The following UPF2 variants were observed in gnomAD, a reference collection of about 807,000 sequenced individuals.
UPF2 encodes regulator of nonsense transcripts 2.
In UPF2, 17 loss-of-function variants were observed where a neutral mutation model predicts 141.4. That is an observed-to-expected ratio of 0.12 (90% CI 0.08 to 0.18). The LOEUF (loss-of-function observed/expected upper bound fraction) is 0.18. Ranked by LOEUF, UPF2 falls within the 10% of genes least tolerant of loss-of-function variation. The probability of loss-of-function intolerance (pLI) is 1.00; values close to 1 mark genes in which losing one functional copy is unlikely to be tolerated. For missense variants in UPF2, 1,152 were observed against 1,515.9 expected (o/e 0.76, Z 3.99); for synonymous variants, 540 against 498.0 (o/e 1.08, Z -1.12).
At chr10:11,976,343 G>T (rs183096919) in intron 9 of UPF2, among the ~76,000 whole-genome samples, 1 of 152,304 alleles carries the variant, frequency 6.6e-6, no homozygotes, top group Admixed American at 6.5e-5. Flanking sequence ...GACAGTGGCA[G>T]GAGGTATGAA....
intron 18 of UPF2, among the ~76,000 whole-genome samples, chr10:11,938,853 G>GTTTTTTTGTTTTTTTGTTT (rs1832890068): frequency 1.3e-5 from 1 of 79,816 alleles, no homozygotes; most frequent in African/African-American, 5.0e-5. Flanking sequence ...TTTTTTTTTT[G>GTTTTTTTGTTTTTTTGTTT]TTTTTTTTTT....
rs1462580307 is a variant in UPF2, at chr10:11,954,327, TTTTC to T, written c.2850+901_2850+904del. ...ACACATTTTCCTCAAAAATGATAGG[TTTTC>T]TTTTTTTAAAAAAAAATTAGGCTGG... On this transcript the variant is annotated intron_variant, in intron 14 of 21. Transcript: ENST00000357604. 5.3e-5 allele frequency among the ~76,000 whole-genome samples: 8 copies of T among 151,834 alleles called. No homozygotes were observed. The East Asian group carries it at 1.5e-3, about 29-fold the overall frequency.
At chr10:12,018,226 T>A (rs183892992) in intron 3 of UPF2, among the ~76,000 whole-genome samples, 2 of 152,132 alleles carry the variant, frequency 1.3e-5, no homozygotes, top group Non-Finnish European at 2.9e-5. Context: ...GGAGGGCCGA[T>A]TGCTTGAGCC....
chr10:11,920,354 AAC>A lies in UPF2; in HGVS notation c.*942_*943del, dbSNP rs1364031701. 7.2e-5 allele frequency: 11 copies of A among 152,118 alleles called. No homozygotes were observed. The highest frequency in any genetic ancestry group is 1.0e-4 in the Non-Finnish European group (7 of 68,060). 9.4% of individuals were successfully genotyped at this position (152,118 alleles called of 1,614,324 possible). A position where few individuals can be genotyped will look rare whatever the true frequency, so the allele number is the denominator to read the frequency against. ...TTTAGTGGGGGAAAACAAAAAAAAAAACAAAACAAAAACAAAAGCAAAATAAA... is the reference window on the plus strand; with the variant it reads ...TTTAGTGGGGGAAAACAAAAAAAAAAAAAACAAAAACAAAAGCAAAATAAA... On this transcript the variant is annotated 3_prime_UTR_variant, in exon 22 of 22. Coordinates refer to ENST00000357604, the MANE Select transcript of UPF2 (RefSeq NM_015542.4).
chr10:11,957,292 A>G (rs1331961855), intron 12 of UPF2, among the ~76,000 whole-genome samples: 6 of 151,712 alleles, frequency 4.0e-5, no homozygotes, highest in African/African-American at 1.5e-4. Flanking sequence ...AGCCAAGCAC[A>G]GTGGTGGGCA....
intron 21 of UPF2, among the ~76,000 whole-genome samples, chr10:11,926,773 C>A (rs966268958): frequency 2.0e-5 from 3 of 152,270 alleles, no homozygotes; most frequent in Non-Finnish European, 4.4e-5. Context: ...TGTGACTTGG[C>A]AGGGGTAAGC....
At position 11,959,312 on chromosome 10, in the gene UPF2, T is replaced by C; in HGVS notation, c.2229A>G (p.Arg743=). ...RKKQAMHLDA[R]YVTMVENAYY... ...ATGCATTCTCTACCATTGTGACGTA[T>C]CTCGCATCAAGATGCATTGCTTGCT... The change falls in exon 12 of 22, where the codon AGA becomes AGG. Residue 743 remains arginine, a synonymous_variant. Transcript: ENST00000357604. The surrounding 1 kb of genome is among the most constrained non-coding windows in gnomAD (Gnocchi z 5.9). 6.3e-7 allele frequency: 1 copy of C among 1,596,974 alleles called. No homozygotes were observed.
chr10:11,975,762 C>T (rs1356827822), intron 9 of UPF2, among the ~76,000 whole-genome samples: 1 of 152,134 alleles, frequency 6.6e-6, no homozygotes, highest in African/African-American at 2.4e-5. Context: ...GGTAATCCAC[C>T]CGCCTTGGCC....
At chr10:11,958,170 T>C (rs1833183680) in intron 12 of UPF2, among the ~76,000 whole-genome samples, 2 of 152,262 alleles carry the variant, frequency 1.3e-5, no homozygotes, top group African/African-American at 2.4e-5. Context: ...CTGTGGAACA[T>C]AGCAAGACCC....
At chr10:11,963,855 T>C (rs1247582532) in intron 11 of UPF2, among the ~76,000 whole-genome samples, 154 bp downstream of exon 11, 1 of 152,194 alleles carries the variant, frequency 6.6e-6, no homozygotes, top group Non-Finnish European at 1.5e-5. Context: ...TCTCCAGGGA[T>C]TGCAACTCAT....
At chr10:12,037,296 G>A (rs1025983962) in intron 1 of UPF2, among the ~76,000 whole-genome samples, 1 of 152,052 alleles carries the variant, frequency 6.6e-6, no homozygotes, top group Non-Finnish European at 1.5e-5. Flanking sequence ...TGACTAGGCT[G>A]GTCTCGAAAT....
intron 16 of UPF2, among the ~76,000 whole-genome samples, chr10:11,943,940 T>C (rs565815572): frequency 9.3e-5 from 14 of 149,968 alleles, no homozygotes; most frequent in Non-Finnish European, 1.8e-4. Context: ...GAGCTTCATT[T>C]ACCCCTCCAC....
chr10:11,968,823 A>G (rs1403386305), intron 9 of UPF2, among the ~76,000 whole-genome samples: 4 of 152,164 alleles, frequency 2.6e-5, no homozygotes, highest in African/African-American at 9.7e-5. Context: ...TCATTTTAAC[A>G]CCAGTGACCA....
chr10:11,936,528 G>A lies in UPF2; in HGVS notation c.3546+17C>T. 6.3e-7 allele frequency: 1 copy of A among 1,584,194 alleles called. No homozygotes were observed. Among genetic ancestry groups the A allele is most frequent in the Non-Finnish European group, 8.6e-7 (1 of 1,165,670 alleles). ...AACTCACAATCAGCTATAATTACAG[G>A]GCGGGCAGTTTCTTACCTGCTGTTT... is the stretch of plus-strand genomic sequence containing the variant. On this transcript the variant is annotated intron_variant, in intron 19 of 21. Transcript: ENST00000357604. The surrounding 1 kb of genome is among the most constrained non-coding windows in gnomAD (Gnocchi z 6.6).
chr10:12,000,226 C>T (rs1234904669), intron 6 of UPF2, among the ~76,000 whole-genome samples: 2 of 152,158 alleles, frequency 1.3e-5, no homozygotes, highest in Non-Finnish European at 2.9e-5. Flanking sequence ...CTATAAAAGT[C>T]AAACTTTTTG....
chr10:11,944,520 T>C (rs143514223), intron 16 of UPF2, among the ~76,000 whole-genome samples: 1 of 152,118 alleles, frequency 6.6e-6, no homozygotes, highest in African/African-American at 2.4e-5. Flanking sequence ...TGTACACCAA[T>C]ACATTACCTT....
rs181773140 is a variant in UPF2 at position 12,027,326 on chromosome 10, A to C, written c.1145+1419T>G. Reference sequence around the variant, plus strand: ...TCCACTCTCCAAGATTCTGAGTCCAATCAAAAGCAAATACACACACATACA... The same window carrying C: ...TCCACTCTCCAAGATTCTGAGTCCACTCAAAAGCAAATACACACACATACA... On this transcript the variant is annotated intron_variant, in intron 3 of 21. Transcript: ENST00000357604. Among the ~76,000 whole-genome samples, 557 of 152,338 alleles carry C rather than the reference A, an allele frequency of 3.7e-3. 1 individual carries two copies. Among genetic ancestry groups the C allele is most frequent in the Middle Eastern group, 0.01 (3 of 294 alleles).
intron 6 of UPF2, 43 bp downstream of exon 6, chr10:12,001,633 T>A: frequency 6.4e-7 from 1 of 1,558,400 alleles, no homozygotes; most frequent in Non-Finnish European, 8.7e-7. Flanking sequence ...GCTCTGTGTG[T>A]AAAAACCAAT....
intron 18 of UPF2, among the ~76,000 whole-genome samples, chr10:11,937,565 G>A (rs561837839): frequency 3.9e-5 from 6 of 152,308 alleles, no homozygotes; most frequent in Admixed American, 3.9e-4. Context: ...GGAGGGAATC[G>A]AGGCAGGGGA....
Sources: gnomAD v4.1 joint callset for allele counts (sites outside exome capture counted in the v4.1 genomes callset) on GRCh38, gnomAD v4.1.1 for gene constraint, Gnocchi (gnomAD v3.1) non-coding constraint, MANE v1.5 for transcripts, NCBI Gene and HGNC (gene_info 2026-07-23, HGNC 2026-07-21) for gene names.